The following CACNB2 variants were observed in gnomAD, a reference collection of about 807,000 sequenced individuals.
CACNB2 encodes the protein voltage-dependent L-type calcium channel subunit beta-2.
Under a neutral mutation model 73.3 loss-of-function variants are expected in CACNB2, and 42 were observed. That is an observed-to-expected ratio of 0.57 (90% CI 0.45 to 0.74). CACNB2 has a LOEUF of 0.74. Ranked by LOEUF, CACNB2 falls within the 30% of genes least tolerant of loss-of-function variation. The probability of loss-of-function intolerance (pLI) is 0.00; values close to 1 mark genes in which losing one functional copy is unlikely to be tolerated. For synonymous variants in CACNB2, 348 were observed against 310.3 expected (o/e 1.12, Z -1.28); for missense variants, 940 against 853.0 (o/e 1.10, Z -1.27).
intron 3 of CACNB2, among the ~76,000 whole-genome samples, chr10:18,468,600 T>G (rs370967651): frequency 6.6e-6 from 1 of 152,138 alleles, no homozygotes; most frequent in African/African-American, 2.4e-5. Context: ...TTTTTTTGTT[T>G]TGTTTTATTT....
chr10:18,335,577 T>C (rs563394272), intron 2 of CACNB2, among the ~76,000 whole-genome samples: 1 of 152,218 alleles, frequency 6.6e-6, no homozygotes, highest in East Asian at 1.9e-4. Flanking sequence ...AGAGCGAGAC[T>C]CTGTCTCAAA....
chr10:18,424,684 C>G (rs1315468167), intron 3 of CACNB2, among the ~76,000 whole-genome samples: 1 of 152,184 alleles, frequency 6.6e-6, no homozygotes, highest in Non-Finnish European at 1.5e-5. Flanking sequence ...ACATGACATA[C>G]TGGTTAGTTT....
At position 18,140,817 on chromosome 10, in the gene CACNB2, G is replaced by A. The variant is rs762401616; in HGVS notation, c.81G>A (p.Glu27=). 6.2e-7 allele frequency: 1 copy of A among 1,604,598 alleles called. No individual in the cohort carries two copies. The highest frequency in any genetic ancestry group is 8.5e-7 in the Non-Finnish European group (1 of 1,177,054). Residue 27 remains glutamate, a synonymous_variant, in exon 1 of 14, where the codon GAG becomes GAA. Coordinates refer to ENST00000324631, the MANE Select transcript of CACNB2 (RefSeq NM_201596.3). The stretch of plus-strand genomic sequence containing the variant: ...AGGAGATCCAGATGGAACTGCTAGA[G>A]AACGTGGCTCCCGCGGGGGCGCTCG... ...VAQEIQMELL[E]NVAPAGALGA...
chr10:18,237,150 G>C (rs1281996755), intron 2 of CACNB2, among the ~76,000 whole-genome samples: 1 of 152,132 alleles, frequency 6.6e-6, no homozygotes, highest in Non-Finnish European at 1.5e-5. Context: ...CCTACTCTTG[G>C]GGTCTGGAGT....
In CACNB2 at chr10:18,290,112, C is replaced by CTTTTTTTTT. The variant is rs992393946; in HGVS notation, c.214-111793_214-111785dup. Among the ~76,000 whole-genome samples the CTTTTTTTTT allele has an allele frequency of 9.0e-4, 45 of 50,134 alleles. 1 individual carries two copies. The highest frequency in any genetic ancestry group is 1.9e-3 in the South Asian group (2 of 1,046). 32.9% of individuals were successfully genotyped at this position (50,134 alleles called of 152,430 possible). A position where few individuals can be genotyped will look rare whatever the true frequency, so the allele number is the denominator to read the frequency against. On this transcript the variant is annotated intron_variant, in intron 2 of 13. Transcript: ENST00000324631. ...TAAAGTTTTTTTCTTTTTTCTTTTT[C>CTTTTTTTTT]TTTTTTTTTTTTTTTTTTTTTTTTT...
At chr10:18,284,419 A>G (rs2038697451) in intron 2 of CACNB2, among the ~76,000 whole-genome samples, 1 of 152,176 alleles carries the variant, frequency 6.6e-6, no homozygotes, top group Non-Finnish European at 1.5e-5. Flanking sequence ...CACGTAGTTG[A>G]TCTGTTTTCA....
chr10:18,384,039 T>C lies in CACNB2; in HGVS notation c.214-17885T>C, dbSNP rs138249908. 2.1e-3 allele frequency among the ~76,000 whole-genome samples: 326 copies of C among 152,320 alleles called. 1 individual carries two copies. Among genetic ancestry groups the C allele is most frequent in the African/African-American group, 7.6e-3 (318 of 41,580 alleles). On this transcript the variant is annotated intron_variant, in intron 2 of 13. Transcript: ENST00000324631. ...CTGTTTAAAATGCCACAGTTATTTA[T>C]GTAAAATCTGTGATCTTTCACATTG...
chr10:18,238,746 A>AACAGTGCT (rs1292957520), intron 2 of CACNB2, among the ~76,000 whole-genome samples: 1 of 152,250 alleles, frequency 6.6e-6, no homozygotes, highest in Non-Finnish European at 1.5e-5. Flanking sequence ...TAGTAATTAT[A>AACAGTGCT]ACAGTGCTAC....
intron 3 of CACNB2, among the ~76,000 whole-genome samples, chr10:18,425,054 A>C (rs1305881578): frequency 6.6e-6 from 1 of 152,206 alleles, no homozygotes; most frequent in Admixed American, 6.5e-5. Context: ...ATTTACACTC[A>C]TACTATCACT....
At chr10:18,224,797 G>C (rs7914060) in intron 2 of CACNB2, among the ~76,000 whole-genome samples, 6,779 of 152,228 alleles carry the variant, frequency 0.045, 498 homozygotes, top group African/African-American at 0.15. Context: ...GAGCCAAATC[G>C]AAGTCATGCC....
At chr10:18,445,024 T>A (rs1226873257) in intron 3 of CACNB2, among the ~76,000 whole-genome samples, 1 of 152,216 alleles carries the variant, frequency 6.6e-6, no homozygotes, top group Non-Finnish European at 1.5e-5. Context: ...TTTCACCAAG[T>A]GTTTGTTGCT....
chr10:18,451,062 A>G (rs2046999744), intron 3 of CACNB2, among the ~76,000 whole-genome samples: 1 of 152,186 alleles, frequency 6.6e-6, no homozygotes, highest in Non-Finnish European at 1.5e-5. Flanking sequence ...TTACCTATAC[A>G]TGCGATAAAA....
Position 18,539,781 on chromosome 10 carries a change from C to T in CACNB2, c.*57C>T. The T allele has an allele frequency of 6.5e-7, 1 of 1,526,838 alleles. No individual in the cohort carries two copies. The highest frequency in any genetic ancestry group is 8.8e-7 in the Non-Finnish European group (1 of 1,136,540). 94.6% of individuals were successfully genotyped at this position (1,526,838 alleles called of 1,614,324 possible). On this transcript the variant is annotated 3_prime_UTR_variant, in exon 14 of 14. Transcript: ENST00000324631. The stretch of plus-strand genomic sequence containing the variant: ...TTTTGAAGTCTTGTATAACTAACAG[C>T]ATCCCCAAAACAAAGTCTTTGGGGT...
At chr10:18,493,229 C>G (rs1029304129) in intron 3 of CACNB2, among the ~76,000 whole-genome samples, 5 of 152,160 alleles carry the variant, frequency 3.3e-5, no homozygotes, top group African/African-American at 9.7e-5. Context: ...AGTGCAGTGG[C>G]ACAATCTCGG....
chr10:18,486,716 G>T (rs2049077303), intron 3 of CACNB2, among the ~76,000 whole-genome samples: 1 of 152,140 alleles, frequency 6.6e-6, no homozygotes, highest in African/African-American at 2.4e-5. Context: ...GGACTTCAAG[G>T]CCAGGGGATA....
chr10:18,361,706 C>T (rs542054663), intron 2 of CACNB2, among the ~76,000 whole-genome samples: 34 of 151,018 alleles, frequency 2.3e-4, no homozygotes, highest in East Asian at 1.4e-3. Flanking sequence ...TTCCACCTTC[C>T]GGGTCAAGTG....
chr10:18,382,393 T>C (rs2043056990), intron 2 of CACNB2, among the ~76,000 whole-genome samples: 1 of 150,818 alleles, frequency 6.6e-6, no homozygotes, highest in Non-Finnish European at 1.5e-5. Context: ...TTTATTTTCA[T>C]TTTAAGTTCC....
chr10:18,494,211 T>C lies in CACNB2; in HGVS notation c.334-4144T>C, dbSNP rs1279166168. Among the ~76,000 whole-genome samples, 3 of 152,298 alleles carry C rather than the reference T, an allele frequency of 2.0e-5. No individual in the cohort carries two copies. In the East Asian group the frequency reaches 5.8e-4, roughly 29 times the overall value. ...TGCTACTCAGATGATTGAAAAGTGA[T>C]AAAAAGTTGGTAGAAGTCATAAGAT... is the stretch of plus-strand genomic sequence containing the variant. On this transcript the variant is annotated intron_variant, in intron 3 of 13. Coordinates refer to ENST00000324631, the MANE Select transcript of CACNB2 (RefSeq NM_201596.3).
chr10:18,147,653 A>C (rs2031121829), intron 1 of CACNB2, among the ~76,000 whole-genome samples: 1 of 152,228 alleles, frequency 6.6e-6, no homozygotes, highest in Non-Finnish European at 1.5e-5. Context: ...AAAAATATTT[A>C]GAAAAACTGT....
Sources: gnomAD v4.1 joint callset for allele counts (sites outside exome capture counted in the v4.1 genomes callset) on GRCh38, gnomAD v4.1.1 for gene constraint, MANE v1.5 for transcripts, NCBI Gene and HGNC (gene_info 2026-07-23, HGNC 2026-07-21) for gene names.